SLC22A9: variants seen among roughly 807,000 people sequenced by gnomAD.
SLC22A9 encodes solute carrier family 22 member 9.
In SLC22A9, 64 loss-of-function variants were observed where a neutral mutation model predicts 50.1. The ratio of observed to expected loss-of-function variants is 1.28; its 90% CI spans 1.04 to 1.57. The LOEUF is 1.57. Ranked by LOEUF, SLC22A9 falls within the 40% of genes most tolerant of loss-of-function variation. The probability of loss-of-function intolerance (pLI) is 0.00; values close to 1 mark genes in which losing one functional copy is unlikely to be tolerated. For synonymous variants in SLC22A9, 261 were observed against 242.5 expected (o/e 1.08, Z -0.71); for missense variants, 757 against 676.1 (o/e 1.12, Z -1.33).
chr11:63,397,441 C>A (rs987712051), intron 6 of SLC22A9, among the ~76,000 whole-genome samples: 1 of 152,150 alleles, frequency 6.6e-6, no homozygotes. Context: ...TCAAAGCTGG[C>A]TAGGTTCATG....
intron 5 of SLC22A9, among the ~76,000 whole-genome samples, chr11:63,377,406 CA>C (rs1252671132): frequency 1.3e-5 from 2 of 152,102 alleles, no homozygotes; most frequent in African/African-American, 4.8e-5. Context: ...GAAGATCTCC[CA>C]AAATCATAAA....
At position 63,373,987 on chromosome 11, in the gene SLC22A9, C is replaced by A; in HGVS notation, c.755C>A (p.Ala252Asp). ...GIAFMTLAGL[A>D]FAIRDWHILQ... ...GCATTTATGACCCTGGCAGGCCTGG[C>A]TTTTGCCATTCGAGACTGGCATATC... Residue 252 changes from alanine (A) to aspartate (D), a missense_variant, in exon 4 of 10, where the codon GCT becomes GAT. Coordinates refer to ENST00000279178, the MANE Select transcript of SLC22A9 (RefSeq NM_080866.3). The A allele has an allele frequency of 6.2e-7, 1 of 1,613,606 alleles. No individual in the cohort carries two copies. Among genetic ancestry groups the A allele is most frequent in the Non-Finnish European group, 8.5e-7 (1 of 1,179,760 alleles).
intron 6 of SLC22A9, among the ~76,000 whole-genome samples, chr11:63,401,835 AT>A (rs1268614253): frequency 6.6e-6 from 1 of 152,104 alleles, no homozygotes; most frequent in African/African-American, 2.4e-5. Context: ...TATTGCTTTC[AT>A]TTGTATTTCT....
intron 5 of SLC22A9, among the ~76,000 whole-genome samples, chr11:63,379,249 G>A (rs78697827): frequency 1.6e-4 from 24 of 152,172 alleles, no homozygotes; most frequent in African/African-American, 7.2e-5. Flanking sequence ...CAATGAAGTC[G>A]ACAAAAACAA....
In SLC22A9 at chr11:63,394,817, G is replaced by A. The variant is rs558510252; in HGVS notation, c.1074-11680G>A. Reference sequence around the variant, plus strand: ...TTTCCTCAATTTTTCCCCCAAATATGTTTTCCAAACTTTTAGATTTCTCTT... The same window carrying A: ...TTTCCTCAATTTTTCCCCCAAATATATTTTCCAAACTTTTAGATTTCTCTT... On this transcript the variant is annotated intron_variant, in intron 6 of 9. Transcript: ENST00000279178. 3.9e-5 allele frequency among the ~76,000 whole-genome samples: 6 copies of A among 152,200 alleles called. No individual in the cohort carries two copies. The East Asian group carries it at 7.7e-4, about 20-fold the overall frequency.
At chr11:63,409,770 A>T in intron 9 of SLC22A9, 32 bp from the exon 10 acceptor site, 1 of 1,607,930 alleles carries the variant, frequency 6.2e-7, no homozygotes, top group Non-Finnish European at 8.5e-7. Context: ...CATTTTTGTG[A>T]TTTTTTGTTG....
chr11:63,382,411 G>A (rs1311514540), intron 6 of SLC22A9, 134 bp downstream of exon 6: 7 of 620,298 alleles, frequency 1.1e-5, no homozygotes, highest in Non-Finnish European at 1.9e-5. Context: ...GAGAATTGCT[G>A]TGTTTGAATG....
intron 6 of SLC22A9, among the ~76,000 whole-genome samples, chr11:63,386,478 G>C (rs2014671173): frequency 1.1e-5 from 1 of 87,856 alleles, no homozygotes; most frequent in African/African-American, 5.2e-5. Context: ...TGGTAAGTAG[G>C]CTATTAATTA....
chr11:63,383,112 G>A (rs2014595623), intron 6 of SLC22A9, among the ~76,000 whole-genome samples: 1 of 152,130 alleles, frequency 6.6e-6, no homozygotes, highest in Admixed American at 6.5e-5. Context: ...TAGAAGGTGA[G>A]CACAAAGAAA....
At chr11:63,397,996 A>G (rs117476159) in intron 6 of SLC22A9, among the ~76,000 whole-genome samples, 5,828 of 152,236 alleles carry the variant, frequency 0.038, 204 homozygotes, top group Admixed American at 0.1. Flanking sequence ...GCCAGGTCCC[A>G]CCTGAAGCCA....
intron 6 of SLC22A9, among the ~76,000 whole-genome samples, chr11:63,388,731 G>T (rs1362013379): frequency 2.7e-4 from 40 of 147,172 alleles, no homozygotes; most frequent in African/African-American, 8.4e-4. Context: ...TTTTTTTTTT[G>T]AATAATATGA....
At chr11:63,402,226 T>C (rs1476091355) in intron 6 of SLC22A9, among the ~76,000 whole-genome samples, 1 of 152,066 alleles carries the variant, frequency 6.6e-6, no homozygotes, top group East Asian at 1.9e-4. Context: ...TTTTCTTCTG[T>C]GTTTTTAACA....
Position 63,370,015 on chromosome 11 carries a change from C to G in SLC22A9, c.-42C>G. On this transcript the variant is annotated 5_prime_UTR_variant, in exon 1 of 10. Coordinates refer to ENST00000279178, the MANE Select transcript of SLC22A9 (RefSeq NM_080866.3). ...TTCCCTCTTTGAACCTCTCTGGATA[C>G]AGTCATTTTGCCTCTACTTGAGGAT... 3 of 1,572,330 alleles carry G rather than the reference C, an allele frequency of 1.9e-6. No individual in the cohort carries two copies. The highest frequency in any genetic ancestry group is 2.6e-6 in the Non-Finnish European group (3 of 1,158,456).
intron 5 of SLC22A9, among the ~76,000 whole-genome samples, chr11:63,376,992 A>G (rs1200355766): frequency 1.3e-5 from 2 of 152,184 alleles, no homozygotes; most frequent in African/African-American, 2.4e-5. Context: ...ATTCAATAAG[A>G]TTTAACTATC....
chr11:63,383,695 G>A (rs2119913944), intron 6 of SLC22A9, among the ~76,000 whole-genome samples: 1 of 152,258 alleles, frequency 6.6e-6, no homozygotes, highest in Admixed American at 6.5e-5. Flanking sequence ...AGAGGTATAT[G>A]AATAAAGTGA....
At chr11:63,382,078 A>C (rs1451340095) in intron 5 of SLC22A9, 81 bp from the exon 6 acceptor site, 10 of 929,872 alleles carry the variant, frequency 1.1e-5, no homozygotes, top group Non-Finnish European at 1.6e-5. Flanking sequence ...CTCACTTCTC[A>C]TCTGTGGGTT....
Position 63,406,567 on chromosome 11 carries a change from T to A in SLC22A9, c.1144T>A (p.Leu382Met). The stretch of plus-strand genomic sequence containing the variant: ...GCATCTGGGGAACAATGTTTTCCTG[T>A]TGCAGACTCTCTTTGGTGCAGTCAT... ...VQHLGNNVFLLQTLFGAVILL... is the reference protein window; with the variant it reads ...VQHLGNNVFLMQTLFGAVILL... Residue 382 changes from leucine to methionine, a missense_variant, in exon 7 of 10, where the codon TTG becomes ATG. Leu to Met is a conservative substitution (Grantham distance 15). Coordinates refer to ENST00000279178, the MANE Select transcript of SLC22A9 (RefSeq NM_080866.3). 6.2e-7 allele frequency: 1 copy of A among 1,613,872 alleles called. No individual in the cohort carries two copies. Among genetic ancestry groups the A allele is most frequent in the Non-Finnish European group, 8.5e-7 (1 of 1,179,816 alleles).
At chr11:63,399,518 G>A (rs2014919214) in intron 6 of SLC22A9, among the ~76,000 whole-genome samples, 1 of 152,072 alleles carries the variant, frequency 6.6e-6, no homozygotes, top group Non-Finnish European at 1.5e-5. Flanking sequence ...GCAAATATAT[G>A]TGTTATCAAC....
intron 6 of SLC22A9, among the ~76,000 whole-genome samples, chr11:63,398,515 G>A (rs532636163): frequency 1.2e-4 from 19 of 152,284 alleles, no homozygotes; most frequent in South Asian, 2.1e-4. Flanking sequence ...TGGGATGGGC[G>A]ATTCCCCTCT....
Sources: gnomAD v4.1 joint callset for allele counts (sites outside exome capture counted in the v4.1 genomes callset) on GRCh38, gnomAD v4.1.1 for gene constraint, MANE v1.5 for transcripts, NCBI Gene and HGNC (gene_info 2026-07-23, HGNC 2026-07-21) for gene names.